Variants in DACH2 observed in about 807,000 individuals in gnomAD.
The protein encoded by DACH2 is dachshund family transcription factor 2, also known as dachshund homolog 2.
In DACH2, 17 loss-of-function variants were observed where a neutral mutation model predicts 35.8. The observed-to-expected ratio is 0.48, with a 90% CI of 0.33 to 0.71. DACH2 has a LOEUF of 0.71. Ranked by LOEUF, DACH2 falls within the 30% of genes least tolerant of loss-of-function variation. The pLI is 0.02. For missense variants in DACH2, 469 were observed against 472.7 expected, an observed-to-expected ratio of 0.99 and a Z score of 0.07; for synonymous variants, 195 against 177.3, an observed-to-expected ratio of 1.10 and a Z score of -0.79.
chrX:86,601,716 G>T (rs2039792039), intron 3 of DACH2, among the ~76,000 whole-genome samples: 1 of 112,086 alleles, frequency 8.9e-6, no homozygotes, highest in East Asian at 2.8e-4. Context: ...ATAACCATTT[G>T]ATCATTATAT....
intron 2 of DACH2, among the ~76,000 whole-genome samples, chrX:86,391,244 G>A (rs755189831): frequency 5.8e-5 from 5 of 86,540 alleles, no homozygotes; most frequent in African/African-American, 2.2e-4. Context: ...TCATGCCAGT[G>A]CACCACTCGG....
chrX:86,803,192 T>A (rs927952538), intron 7 of DACH2, among the ~76,000 whole-genome samples: 8 of 111,846 alleles, frequency 7.2e-5, no homozygotes, highest in African/African-American at 2.3e-4. Flanking sequence ...AAAAAATCAG[T>A]CAGGTCTGCT....
In DACH2 at chrX:86,689,744, T is replaced by C. The variant is rs1037697243; in HGVS notation, c.773-5277T>C. Among the ~76,000 whole-genome samples, 4 of 112,074 alleles carry C rather than the reference T, an allele frequency of 3.6e-5. No homozygotes were observed. The East Asian group carries it at 8.4e-4, about 24-fold the overall frequency. ...TTTGTTGTAGCTAGAAAAGTTTCAATGTAAGTACAGCTTTTTATAAACACT... is the reference window on the plus strand; with the variant it reads ...TTTGTTGTAGCTAGAAAAGTTTCAACGTAAGTACAGCTTTTTATAAACACT... On this transcript the variant is annotated intron_variant, in intron 4 of 11. Coordinates refer to ENST00000373125, the MANE Select transcript of DACH2 (RefSeq NM_053281.3).
At chrX:86,635,218 A>G (rs12845161) in intron 3 of DACH2, among the ~76,000 whole-genome samples, 2,009 of 110,642 alleles carry the variant, frequency 0.018, 20 homozygotes, top group Non-Finnish European at 0.03. Context: ...TTCAACATGC[A>G]CAAATCAATA....
intron 1 of DACH2, among the ~76,000 whole-genome samples, chrX:86,188,285 G>A (rs1208793752): frequency 8.9e-6 from 1 of 111,878 alleles, no homozygotes; most frequent in Non-Finnish European, 1.9e-5. Context: ...GATAGTAGTT[G>A]AAACTCAGGG....
intron 1 of DACH2, among the ~76,000 whole-genome samples, chrX:86,218,264 G>A (rs1458753734): frequency 9.0e-6 from 1 of 111,305 alleles, no homozygotes; most frequent in Non-Finnish European, 1.9e-5. Context: ...AGTTACTTAA[G>A]TTTTCTTTGA....
intron 11 of DACH2, among the ~76,000 whole-genome samples, chrX:86,819,994 A>G (rs1159568503): frequency 8.9e-6 from 1 of 112,022 alleles, no homozygotes; most frequent in Non-Finnish European, 1.9e-5. Flanking sequence ...AATGAAGTTA[A>G]CATCTTAATA....
At chrX:86,385,977 A>G (rs2036116747) in intron 2 of DACH2, among the ~76,000 whole-genome samples, 1 of 111,910 alleles carries the variant, frequency 8.9e-6, no homozygotes, top group Admixed American at 9.5e-5. Flanking sequence ...TCTGTTGTTA[A>G]CATCTTACAA....
At chrX:86,477,989 C>T (rs1270274755) in intron 2 of DACH2, among the ~76,000 whole-genome samples, 1 of 111,510 alleles carries the variant, frequency 9.0e-6, no homozygotes, top group African/African-American at 3.3e-5. Flanking sequence ...CTAATGAAAA[C>T]TCTACAGTTT....
intron 3 of DACH2, among the ~76,000 whole-genome samples, chrX:86,587,956 A>T (rs2039596018): frequency 9.0e-6 from 1 of 111,610 alleles, no homozygotes; most frequent in South Asian, 3.7e-4. Context: ...GGTGATATGC[A>T]GAATGGTATT....
chrX:86,183,786 G>A (rs975119632), intron 1 of DACH2, among the ~76,000 whole-genome samples: 3 of 111,470 alleles, frequency 2.7e-5, no homozygotes, highest in Non-Finnish European at 5.6e-5. Context: ...TATAATTCGG[G>A]TGTGAATCCG....
At chrX:86,470,121 A>G (rs1416177297) in intron 2 of DACH2, among the ~76,000 whole-genome samples, 3 of 102,916 alleles carry the variant, frequency 2.9e-5, no homozygotes, top group African/African-American at 1.3e-4. Flanking sequence ...GGTGCTTATC[A>G]GCAGAGTATC....
At chrX:86,812,350 G>A (rs1201907960) in intron 7 of DACH2, among the ~76,000 whole-genome samples, 1 of 111,405 alleles carries the variant, frequency 9.0e-6, no homozygotes, top group Non-Finnish European at 1.9e-5. Flanking sequence ...GGGAAATTAA[G>A]ATGTTCTAAA....
chrX:86,616,146 C>T (rs1315888314), intron 3 of DACH2, among the ~76,000 whole-genome samples: 1 of 111,702 alleles, frequency 9.0e-6, no homozygotes, highest in African/African-American at 3.3e-5. Context: ...TGTATCTGAA[C>T]CATATTTTTT....
chrX:86,797,165 G>T (rs2042247658), intron 7 of DACH2, among the ~76,000 whole-genome samples: 1 of 110,965 alleles, frequency 9.0e-6, no homozygotes, highest in Non-Finnish European at 1.9e-5. Flanking sequence ...TGTAAGGATA[G>T]AATCCAATTG....
chrX:86,584,259 A>G (rs1026325856), intron 3 of DACH2, among the ~76,000 whole-genome samples: 1 of 110,660 alleles, frequency 9.0e-6, no homozygotes, highest in Non-Finnish European at 1.9e-5. Flanking sequence ...TGAATTTTCC[A>G]ATTTATGGGC....
At chrX:86,510,603 A>T (rs2038383221) in intron 2 of DACH2, among the ~76,000 whole-genome samples, 1 of 111,893 alleles carries the variant, frequency 8.9e-6, no homozygotes, top group African/African-American at 3.2e-5. Context: ...CTGGGCCCAG[A>T]GAAATTATGA....
At chrX:86,824,655 G>A (rs192101036) in intron 11 of DACH2, among the ~76,000 whole-genome samples, 332 of 112,172 alleles carry the variant, frequency 3.0e-3, no homozygotes, top group South Asian at 4.0e-3. Context: ...GCTCCAGCCA[G>A]TCCCTCCATT....
chrX:86,795,119 G>A (rs2147327790), intron 7 of DACH2, among the ~76,000 whole-genome samples: 1 of 111,475 alleles, frequency 9.0e-6, no homozygotes, highest in South Asian at 3.8e-4. Flanking sequence ...GGTGACAATG[G>A]ACAGAAAGGC....
Sources: allele counts gnomAD v4.1 joint callset (sites outside exome capture counted in the v4.1 genomes callset), GRCh38; gene constraint gnomAD v4.1.1; transcripts MANE v1.5; gene names NCBI Gene and HGNC (gene_info 2026-07-23, HGNC 2026-07-21).